ZC3H14: variants seen among roughly 807,000 people sequenced by gnomAD.
ZC3H14 encodes the protein zinc finger CCCH-type containing 14.
Under a neutral mutation model 92.4 loss-of-function variants are expected in ZC3H14, and 31 were observed. That is an observed-to-expected ratio of 0.34 (90% CI 0.25 to 0.45). ZC3H14 has a LOEUF of 0.45. Ranked by LOEUF, ZC3H14 falls within the 20% of genes least tolerant of loss-of-function variation. ZC3H14 has a pLI of 1.00. For synonymous variants in ZC3H14, 321 were observed against 300.9 expected (o/e 1.07, Z -0.69); for missense variants, 781 against 897.3 (o/e 0.87, Z 1.66).
Position 88,620,986 on chromosome 14 carries a change from A to AT in ZC3H14, c.*9237dup. On this transcript the variant is annotated 3_prime_UTR_variant, in exon 17 of 17. Transcript: ENST00000251038. The surrounding 1 kb of genome is among the most constrained non-coding windows in gnomAD (Gnocchi z 4.3). Reference sequence around the variant, plus strand: ...GAAACATTAAGTGAAGTACTTCTAAATTATACCAGTTTCCCCTCAAAATGC... The same window carrying AT: ...GAAACATTAAGTGAAGTACTTCTAAATTTATACCAGTTTCCCCTCAAAATGC... 1 of 1,473,586 alleles carries AT rather than the reference A, an allele frequency of 6.8e-7. No homozygotes were observed. The highest frequency in any genetic ancestry group is 9.0e-7 in the Non-Finnish European group (1 of 1,115,040). 91.3% of individuals were successfully genotyped at this position (1,473,586 alleles called of 1,614,324 possible). A position where few individuals can be genotyped will look rare whatever the true frequency, so the allele number is the denominator to read the frequency against.
chr14:88,579,480 G>A (rs2081615020), intron 9 of ZC3H14, among the ~76,000 whole-genome samples: 1 of 152,164 alleles, frequency 6.6e-6, no homozygotes, highest in African/African-American at 2.4e-5. Context: ...TACTCCCTGT[G>A]GAGTCTGTAG....
At chr14:88,563,630 C>A in intron 1 of ZC3H14, 21 bp from the exon 2 acceptor site, 1 of 1,613,888 alleles carries the variant, frequency 6.2e-7, no homozygotes, top group Non-Finnish European at 8.5e-7. Context: ...CTCACATGCA[C>A]GTTTGCTCTT....
intron 9 of ZC3H14, chr14:88,595,090 T>C: frequency 6.2e-7 from 1 of 1,611,948 alleles, no homozygotes; most frequent in African/African-American, 1.3e-5. Flanking sequence ...AATAATCGGC[T>C]TCCTTAGAAA....
At position 88,620,515 on chromosome 14, in the gene ZC3H14, A is replaced by G; in HGVS notation, c.*8764A>G. On this transcript the variant is annotated 3_prime_UTR_variant, in exon 17 of 17. Transcript: ENST00000251038. This position sits in a 1 kb window ranked among gnomAD's most constrained non-coding sequence, Gnocchi z 4.3. ...TTAATGGACATGGCTAAGTGTTAAC[A>G]TGAATTCATCAAACATTACCTACTA... 1 of 357,566 alleles carries G rather than the reference A, an allele frequency of 2.8e-6. No individual in the cohort carries two copies. The highest frequency in any genetic ancestry group is 4.3e-5 in the East Asian group (1 of 23,340). 22.1% of individuals were successfully genotyped at this position (357,566 alleles called of 1,614,324 possible). A position where few individuals can be genotyped will look rare whatever the true frequency, so the allele number is the denominator to read the frequency against.
At chr14:88,594,528 T>C (rs1383513924) in intron 9 of ZC3H14, 4 of 1,421,194 alleles carry the variant, frequency 2.8e-6, no homozygotes, top group Admixed American at 2.9e-5. Context: ...AGTTTTGAAT[T>C]CTGACTCTAG....
rs1266152709 is a variant in ZC3H14 at position 88,621,463 on chromosome 14, ACAGGCACACATCTAT to A, written c.*9714_*9728del. On this transcript the variant is annotated 3_prime_UTR_variant, in exon 17 of 17. Transcript: ENST00000251038. The stretch of plus-strand genomic sequence containing the variant: ...AGCTCATGCAAATTTTTCTATGACT[ACAGGCACACATCTAT>A]CTGTAAGCACAATGGGCTAGATTAC... The A allele has an allele frequency of 1.5e-6, 1 of 675,516 alleles. No individual in the cohort carries two copies. Among genetic ancestry groups the A allele is most frequent in the Non-Finnish European group, 2.6e-6 (1 of 389,416 alleles). 41.8% of individuals were successfully genotyped at this position (675,516 alleles called of 1,614,324 possible). A position where few individuals can be genotyped will look rare whatever the true frequency, so the allele number is the denominator to read the frequency against.
intron 5 of ZC3H14, 54 bp from the exon 6 acceptor site, chr14:88,572,524 T>G: frequency 6.3e-7 from 1 of 1,597,194 alleles, no homozygotes; most frequent in Non-Finnish European, 8.6e-7. Flanking sequence ...TTTAAAGATT[T>G]GGTGATAATT....
chr14:88,608,753 C>A (rs1255650360), intron 13 of ZC3H14: 2 of 161,592 alleles, frequency 1.2e-5, no homozygotes, highest in African/African-American at 4.8e-5. Flanking sequence ...TTTTTCCTTA[C>A]AAGCTGGCTG....
Position 88,624,042 on chromosome 14 carries a change from ACTT to A in ZC3H14, c.*12295_*12297del, listed in dbSNP as rs1197230725. 6.6e-6 allele frequency: 1 copy of A among 152,058 alleles called. No homozygotes were observed. Among genetic ancestry groups the A allele is most frequent in the Non-Finnish European group, 1.5e-5 (1 of 68,010 alleles). The allele number at this position is 152,058 out of a possible 1,614,324, so 9.4% of individuals were successfully genotyped here. On this transcript the variant is annotated 3_prime_UTR_variant, in exon 17 of 17. Coordinates refer to ENST00000251038, the MANE Select transcript of ZC3H14 (RefSeq NM_024824.5). The stretch of plus-strand genomic sequence containing the variant: ...TTCTTTCAATCCTGTATTGAAATGT[ACTT>A]CTTAGTCAACTATATGTCACATTTT...
chr14:88,610,698 G>T (rs1303089504), intron 15 of ZC3H14, 136 bp from the exon 16 acceptor site: 1 of 820,600 alleles, frequency 1.2e-6, no homozygotes, highest in East Asian at 2.7e-5. Flanking sequence ...CAGCTACTCG[G>T]GAGACTGAGG....
chr14:88,601,496 G>C (rs1172292540), intron 10 of ZC3H14, among the ~76,000 whole-genome samples: 1 of 152,232 alleles, frequency 6.6e-6, no homozygotes, highest in African/African-American at 2.4e-5. Flanking sequence ...ATCAGGACAT[G>C]ATTCTAAGTG....
intron 5 of ZC3H14, 71 bp downstream of exon 5, chr14:88,572,296 T>G (rs1595527766): frequency 6.5e-7 from 1 of 1,540,378 alleles, no homozygotes; most frequent in East Asian, 2.3e-5. Context: ...AGTTTTTATA[T>G]CTTTCAGTTT....
intron 10 of ZC3H14, among the ~76,000 whole-genome samples, chr14:88,597,681 C>G (rs2084033453): frequency 6.6e-6 from 1 of 152,216 alleles, no homozygotes; most frequent in Non-Finnish European, 1.5e-5. Flanking sequence ...CCTGTCTTCT[C>G]TCTGTAGAGG....
chr14:88,567,867 T>C (rs1228187092), intron 2 of ZC3H14, 172 bp from the exon 3 acceptor site: 2 of 669,066 alleles, frequency 3.0e-6, no homozygotes, highest in Admixed American at 2.0e-5. Context: ...GTATTTGAAA[T>C]ACCTGTGGAA....
Position 88,618,798 on chromosome 14 carries a change from G to C in ZC3H14, c.*7047G>C, listed in dbSNP as rs2088243329. ...ACTAGAACCTACTGCCAGATACCGG[G>C]AATCCGGACTAAATCTGAATCAAAA... On this transcript the variant is annotated 3_prime_UTR_variant, in exon 17 of 17. Coordinates refer to ENST00000251038, the MANE Select transcript of ZC3H14 (RefSeq NM_024824.5). 2 of 1,588,238 alleles carry C rather than the reference G, an allele frequency of 1.3e-6. No individual in the cohort carries two copies. Among genetic ancestry groups the C allele is most frequent in the Admixed American group, 3.5e-5 (2 of 56,362 alleles).
Position 88,574,509 on chromosome 14 carries a change from C to G in ZC3H14, c.862-184C>G. 4.3e-6 allele frequency: 3 copies of G among 690,720 alleles called. No individual in the cohort carries two copies. The South Asian group carries it at 5.6e-5, about 13-fold the overall frequency. The allele number at this position is 690,720 out of a possible 1,614,324, so 42.8% of individuals were successfully genotyped here. The stretch of plus-strand genomic sequence containing the variant: ...CCGCCCACTTCGGCCTTCCAAAGTG[C>G]TAGGATTACAGATGTGAGCCACCAC... On this transcript the variant is annotated intron_variant, in intron 6 of 16. Coordinates refer to ENST00000251038, the MANE Select transcript of ZC3H14 (RefSeq NM_024824.5).
chr14:88,615,588 G>T lies in ZC3H14; in HGVS notation c.*3837G>T. 1 of 464,722 alleles carries T rather than the reference G, an allele frequency of 2.2e-6. No individual in the cohort carries two copies. Among genetic ancestry groups the T allele is most frequent in the Non-Finnish European group, 3.8e-6 (1 of 264,888 alleles). 28.8% of individuals were successfully genotyped at this position (464,722 alleles called of 1,614,324 possible). On this transcript the variant is annotated 3_prime_UTR_variant, in exon 17 of 17. Transcript: ENST00000251038. The stretch of plus-strand genomic sequence containing the variant: ...ACTTGGCCTTTACCATCAAGTATTC[G>T]ATCCTTCCTTGAAATGGCATTATCT...
chr14:88,613,194 A>G lies in ZC3H14; in HGVS notation c.*1443A>G, dbSNP rs965922319. 1 of 152,178 alleles carries G rather than the reference A, an allele frequency of 6.6e-6. No individual in the cohort carries two copies. Among genetic ancestry groups the G allele is most frequent in the Admixed American group, 6.5e-5 (1 of 15,288 alleles). The allele number at this position is 152,178 out of a possible 1,614,324, so 9.4% of individuals were successfully genotyped here. The stretch of plus-strand genomic sequence containing the variant: ...TGATCCCACAGGAAAGGCTTGAAAC[A>G]CGAGAAGCAGCAAAGACAGAGCACA... On this transcript the variant is annotated 3_prime_UTR_variant, in exon 17 of 17. Coordinates refer to ENST00000251038, the MANE Select transcript of ZC3H14 (RefSeq NM_024824.5).
At chr14:88,594,552 C>T in intron 9 of ZC3H14, 1 of 1,452,224 alleles carries the variant, frequency 6.9e-7, no homozygotes, top group Non-Finnish European at 9.0e-7. Context: ...TGTACAACCC[C>T]ATCTTTTGAA....
Sources: allele counts gnomAD v4.1 joint callset (sites outside exome capture counted in the v4.1 genomes callset), GRCh38; gene constraint gnomAD v4.1.1; non-coding constraint Gnocchi (gnomAD v3.1); transcripts MANE v1.5; gene names NCBI Gene and HGNC (gene_info 2026-07-23, HGNC 2026-07-21).